USP42: variants seen among roughly 807,000 people sequenced by gnomAD.
USP42 encodes the protein ubiquitin specific peptidase 42, also known as ubiquitin carboxyl-terminal hydrolase 42.
In USP42, 23 loss-of-function variants were observed where a neutral mutation model predicts 113.0. The ratio of observed to expected loss-of-function variants is 0.20; its 90% CI spans 0.15 to 0.29. The LOEUF (loss-of-function observed/expected upper bound fraction) is 0.29. Among genes scored for constraint, USP42 ranks in the 10% least tolerant of loss-of-function variants. The pLI is 1.00. For synonymous variants in USP42, 933 were observed against 699.0 expected (o/e 1.33, Z -5.28); for missense variants, 2,174 against 1,779.8 (o/e 1.22, Z -3.99).
intron 3 of USP42, among the ~76,000 whole-genome samples, chr7:6,115,763 T>G (rs1779876916): frequency 6.6e-6 from 1 of 152,104 alleles, no homozygotes; most frequent in South Asian, 2.1e-4. Context: ...CTTTTGGCAT[T>G]TCTGAACTCC....
intron 3 of USP42, chr7:6,116,568 GT>G (rs763015434): frequency 6.2e-5 from 19 of 305,750 alleles, no homozygotes; most frequent in Non-Finnish European, 1.1e-4. Flanking sequence ...AAAATCCTTG[GT>G]TTCTTTTTGA....
At chr7:6,149,151 G>A (rs867623445) in intron 12 of USP42, among the ~76,000 whole-genome samples, 5 of 152,084 alleles carry the variant, frequency 3.3e-5, no homozygotes, top group South Asian at 2.1e-4. Flanking sequence ...AGTGAGTGGC[G>A]GCTGAAGCAG....
At chr7:6,100,004 C>CTATTTTTATTATTAT (rs141280623), upstream of USP42, among the ~76,000 whole-genome samples, 2,623 of 144,302 alleles carry the variant, frequency 0.018, 143 homozygotes, top group African/African-American at 0.051. Flanking sequence ...TTTCACAAGT[C>CTATTTTTATTATTAT]TATTATTATT....
chr7:6,121,071 A>G (rs1780200734), intron 3 of USP42, among the ~76,000 whole-genome samples: 1 of 152,022 alleles, frequency 6.6e-6, no homozygotes, highest in South Asian at 2.1e-4. Flanking sequence ...TATAGACGCA[A>G]CTATGTGATA....
chr7:6,150,590 G>T, intron 14 of USP42, 84 bp downstream of exon 14: 1 of 1,156,506 alleles, frequency 8.6e-7, no homozygotes, highest in Non-Finnish European at 1.3e-6. Context: ...TTTGAATGCT[G>T]TAGAAATTTT....
Position 6,158,764 on chromosome 7 carries a change from G to A in USP42, c.3944-686G>A, listed in dbSNP as rs565665287. On this transcript the variant is annotated intron_variant, in intron 16 of 17. Coordinates refer to ENST00000306177, the MANE Select transcript of USP42 (RefSeq NM_032172.3). This position sits in a 1 kb window ranked among gnomAD's most constrained non-coding sequence, Gnocchi z 4.2. ...GATTCGTGAGGGCTGCTTGGTACCCGAGGATCCGAGGATGCAGTGGATGGG... is the reference window on the plus strand; with the variant it reads ...GATTCGTGAGGGCTGCTTGGTACCCAAGGATCCGAGGATGCAGTGGATGGG... Among the ~76,000 whole-genome samples, 22 of 152,308 alleles carry A rather than the reference G, an allele frequency of 1.4e-4. No homozygotes were observed. The highest frequency in any genetic ancestry group is 2.6e-4 in the African/African-American group (11 of 41,566).
rs756246116 is a variant in USP42, at chr7:6,156,776, T to G, written c.3664T>G (p.Ser1222Ala). 3 of 1,569,446 alleles carry G rather than the reference T, an allele frequency of 1.9e-6. No homozygotes were observed. In the East Asian group the frequency reaches 6.7e-5, roughly 35 times the overall value. ...DSRHQQDSDLSAACSDADLHR... is the reference protein window; with the variant it reads ...DSRHQQDSDLAAACSDADLHR... ...CAGGCATCAGCAGGACTCAGACCTC[T>G]CAGCAGCGTGCTCTGACGCTGACCT... The change falls in exon 16 of 18, where the codon TCA becomes GCA. Residue 1222 changes from serine to alanine, a missense_variant. Transcript: ENST00000306177.
In USP42 at chr7:6,149,641, C is replaced by G; in HGVS notation, c.1445C>G (p.Ser482Trp). 1 of 1,613,960 alleles carries G rather than the reference C, an allele frequency of 6.2e-7. No homozygotes were observed. The change falls in exon 13 of 18, where the codon TCG (serine) becomes TGG (tryptophan). Residue 482 changes from serine to tryptophan, a missense_variant. Physicochemically the swap from Ser to Trp is radical, Grantham distance 177. Transcript: ENST00000306177. Reference sequence around the variant, plus strand: ...AAAGACACGCCAAGCAGTTCCATGTCGAGTCCTAACGGGAATTCCAGTGTC... The same window carrying G: ...AAAGACACGCCAAGCAGTTCCATGTGGAGTCCTAACGGGAATTCCAGTGTC... ...PLKDTPSSSM[S>W]SPNGNSSVNR...
intron 4 of USP42, among the ~76,000 whole-genome samples, chr7:6,138,152 C>T (rs763720941): frequency 1.5e-4 from 23 of 152,266 alleles, no homozygotes; most frequent in South Asian, 4.1e-4. Context: ...TTGGCAGTTT[C>T]ATGTGATTTA....
chr7:6,106,821 C>G (rs1174575658), intron 1 of USP42, among the ~76,000 whole-genome samples: 1 of 152,156 alleles, frequency 6.6e-6, no homozygotes, highest in Non-Finnish European at 1.5e-5. Flanking sequence ...CTGCCTTGGC[C>G]TCCCAAAGTG....
intron 7 of USP42, 95 bp downstream of exon 7, chr7:6,141,079 T>C: frequency 1.7e-6 from 1 of 588,230 alleles, no homozygotes; most frequent in East Asian, 3.4e-5. Flanking sequence ...TGTTAGAGAA[T>C]ATAAATTGAA....
chr7:6,089,289 G>C, the USP42 span, among the ~76,000 whole-genome samples: 1 of 148,922 alleles, frequency 6.7e-6, no homozygotes, highest in Admixed American at 6.7e-5. Context: ...CCTGATCTTA[G>C]GTGATACACC....
upstream of USP42, among the ~76,000 whole-genome samples, chr7:6,104,000 C>A (rs1779106593): frequency 6.6e-6 from 1 of 151,266 alleles, no homozygotes. Flanking sequence ...AGGAACATCG[C>A]TTGAGCCCGG....
At chr7:6,100,948 G>T (rs572308588), upstream of USP42, among the ~76,000 whole-genome samples, 29 of 151,234 alleles carry the variant, frequency 1.9e-4, 1 homozygote, top group African/African-American at 7.1e-4. Flanking sequence ...GACTATAGGT[G>T]TGTGCCACTG....
At chr7:6,115,968 C>T (rs909180060) in intron 3 of USP42, among the ~76,000 whole-genome samples, 3 of 151,950 alleles carry the variant, frequency 2.0e-5, no homozygotes, top group African/African-American at 7.3e-5. Context: ...TCTAGCATGG[C>T]AGCACACACC....
chr7:6,130,407 G>A (rs1780788092), intron 3 of USP42, among the ~76,000 whole-genome samples: 1 of 152,206 alleles, frequency 6.6e-6, no homozygotes, highest in Non-Finnish European at 1.5e-5. Flanking sequence ...ACTGAGTGAT[G>A]GTGACAGTCC....
At chr7:6,124,053 T>A (rs1474571779) in intron 3 of USP42, among the ~76,000 whole-genome samples, 1 of 152,072 alleles carries the variant, frequency 6.6e-6, no homozygotes, top group Non-Finnish European at 1.5e-5. Context: ...CTTTTGTATT[T>A]TTAGTAGTGA....
chr7:6,138,737 G>A (rs984346881), intron 4 of USP42, among the ~76,000 whole-genome samples: 1 of 152,124 alleles, frequency 6.6e-6, no homozygotes, highest in Non-Finnish European at 1.5e-5. Flanking sequence ...TCATAGCAGC[G>A]CCAACCCTAT....
Position 6,156,987 on chromosome 7 carries a change from G to A in USP42, c.3875G>A (p.Arg1292His), listed in dbSNP as rs371531352. 70 of 1,613,602 alleles carry A rather than the reference G, an allele frequency of 4.3e-5. No individual in the cohort carries two copies. Among genetic ancestry groups the A allele is most frequent in the South Asian group, 3.7e-4 (34 of 90,988 alleles). ...CCTCTGGAAGGCGTCGGACCTTTCC[G>A]TGAGAAAACGAAACACTTACGGATG... The part of the protein sequence containing the change: ...GPPLEGVGPF[R>H]EKTKHLRMES... The change falls in exon 16 of 18, where the codon CGT becomes CAT. Residue 1292 changes from arginine (R) to histidine (H), a missense_variant. Coordinates refer to ENST00000306177, the MANE Select transcript of USP42 (RefSeq NM_032172.3).
Sources: allele counts gnomAD v4.1 joint callset (sites outside exome capture counted in the v4.1 genomes callset), GRCh38; gene constraint gnomAD v4.1.1; non-coding constraint Gnocchi (gnomAD v3.1); transcripts MANE v1.5; gene names NCBI Gene and HGNC (gene_info 2026-07-23, HGNC 2026-07-21).